RERG: variants seen among roughly 807,000 people sequenced by gnomAD.
The protein encoded by RERG is RAS like estrogen regulated growth inhibitor.
A neutral mutation model predicts 23.2 loss-of-function variants in RERG; 25 were observed. The observed-to-expected ratio is 1.08, with a 90% CI of 0.79 to 1.50. The LOEUF is 1.50. Among genes scored for constraint, RERG ranks in the 40% most tolerant of loss-of-function variants. RERG has a pLI of 0.00. For synonymous variants in RERG, 81 were observed against 89.1 expected (o/e 0.91, Z 0.51); for missense variants, 253 against 250.1 (o/e 1.01, Z -0.08).
At chr12:15,126,598 C>T (rs912587994) in intron 2 of RERG, among the ~76,000 whole-genome samples, 2 of 151,964 alleles carry the variant, frequency 1.3e-5, no homozygotes, top group Non-Finnish European at 2.9e-5. Context: ...CCCAAATAAA[C>T]TAATAGCTTG....
chr12:15,120,816 C>CA (rs1863817923), intron 3 of RERG, among the ~76,000 whole-genome samples: 2 of 152,006 alleles, frequency 1.3e-5, no homozygotes, highest in Non-Finnish European at 2.9e-5. Flanking sequence ...TGTGTTGTAC[C>CA]CACTTCCTTT....
At chr12:15,126,128 C>CAT (rs67901734) in intron 2 of RERG, among the ~76,000 whole-genome samples, 2,488 of 89,050 alleles carry the variant, frequency 0.028, 87 homozygotes, top group Middle Eastern at 0.068. Context: ...TTGTATATAC[C>CAT]ATATATATAT....
At chr12:15,130,969 A>G (rs984172668) in intron 2 of RERG, among the ~76,000 whole-genome samples, 4 of 152,028 alleles carry the variant, frequency 2.6e-5, no homozygotes, top group Non-Finnish European at 4.4e-5. Flanking sequence ...TGATCCTGGT[A>G]ATTTGGTTTT....
At chr12:15,156,467 G>C (rs148685018) in intron 2 of RERG, among the ~76,000 whole-genome samples, 5 of 152,214 alleles carry the variant, frequency 3.3e-5, no homozygotes, top group African/African-American at 1.2e-4. Context: ...TCATGCAATT[G>C]TATGATAATT....
chr12:15,109,247 T>C lies in RERG; in HGVS notation c.463A>G (p.Asn155Asp). The C allele has an allele frequency of 1.2e-6, 2 of 1,614,154 alleles. No homozygotes were observed. Among genetic ancestry groups the C allele is most frequent in the Non-Finnish European group, 1.7e-6 (2 of 1,180,010 alleles). The stretch of plus-strand genomic sequence containing the variant: ...AATTCATAGAATATCTCTGTGATGT[T>C]CCCTTCTCCAGTGCAGGCAGAGCAC... The part of the protein sequence containing the change: ...YECSACTGEG[N>D]ITEIFYELCR... The change falls in exon 5 of 5, where the codon AAC becomes GAC. Residue 155 changes from asparagine to aspartate, a missense_variant. Asn to Asp is a conservative substitution (Grantham distance 23). Transcript: ENST00000256953.
At chr12:15,212,042 CTTTTT>C (rs772353150) in intron 2 of RERG, among the ~76,000 whole-genome samples, 28 of 64,712 alleles carry the variant, frequency 4.3e-4, no homozygotes, top group Non-Finnish European at 7.3e-4. Flanking sequence ...CACGAATAAA[CTTTTT>C]TTTTTTTTTT....
intron 4 of RERG, among the ~76,000 whole-genome samples, chr12:15,110,477 T>TTC (rs1555118695): frequency 8.0e-6 from 1 of 125,758 alleles, no homozygotes; most frequent in Admixed American, 8.0e-5. Flanking sequence ...TTTTTTTTTT[T>TTC]TTTTTTTTTT....
At chr12:15,187,804 C>T (rs1865014125) in intron 2 of RERG, among the ~76,000 whole-genome samples, 1 of 152,038 alleles carries the variant, frequency 6.6e-6, no homozygotes. Flanking sequence ...AGTGATCCAC[C>T]CGCCTCGGCC....
At chr12:15,129,448 A>C (rs185899270) in intron 2 of RERG, among the ~76,000 whole-genome samples, 8 of 152,296 alleles carry the variant, frequency 5.3e-5, no homozygotes, top group South Asian at 2.1e-4. Context: ...TATCAAATCT[A>C]TCTCTCTTTC....
intron 2 of RERG, among the ~76,000 whole-genome samples, chr12:15,215,692 A>G (rs1865431150): frequency 2.0e-5 from 3 of 152,184 alleles, no homozygotes; most frequent in Non-Finnish European, 2.9e-5. Context: ...AAGAAAAGAA[A>G]AAGATGAAGC....
intron 2 of RERG, among the ~76,000 whole-genome samples, chr12:15,158,653 GT>G (rs1057233094): frequency 1.3e-5 from 2 of 152,218 alleles, no homozygotes; most frequent in South Asian, 4.2e-4. Flanking sequence ...AGAGTACACA[GT>G]TTTTCAAGAG....
At chr12:15,162,706 A>G (rs1380606566) in intron 2 of RERG, among the ~76,000 whole-genome samples, 1 of 152,194 alleles carries the variant, frequency 6.6e-6, no homozygotes, top group East Asian at 1.9e-4. Flanking sequence ...TAAAAACACA[A>G]CCAAATAAAT....
At chr12:15,190,179 G>A (rs988405989) in intron 2 of RERG, among the ~76,000 whole-genome samples, 13 of 152,152 alleles carry the variant, frequency 8.5e-5, no homozygotes, top group Non-Finnish European at 1.6e-4. Flanking sequence ...AGCATGGGAA[G>A]CCAGTTTGGG....
chr12:15,109,364 C>G lies in RERG; in HGVS notation c.346G>C (p.Val116Leu). 1 of 1,614,056 alleles carries G rather than the reference C, an allele frequency of 6.2e-7. No individual in the cohort carries two copies. Residue 116 changes from valine (V) to leucine (L), a missense_variant, in exon 5 of 5, where the codon GTT becomes CTT. By Grantham distance (32) the Val-to-Leu change is conservative. Transcript: ENST00000256953. The part of the protein sequence containing the change: ...KKPKNVTLIL[V>L]GNKADLDHSR... Reference sequence around the variant, plus strand: ...TGGTCCAAGTCAGCTTTGTTTCCAACCAAGATGAGAGTCACATTCTTGGGC... The same window carrying G: ...TGGTCCAAGTCAGCTTTGTTTCCAAGCAAGATGAGAGTCACATTCTTGGGC...
At chr12:15,134,907 A>G (rs931578348) in intron 2 of RERG, among the ~76,000 whole-genome samples, 3 of 152,168 alleles carry the variant, frequency 2.0e-5, no homozygotes, top group Non-Finnish European at 4.4e-5. Context: ...CACCATGCCC[A>G]GCCTCCATAT....
chr12:15,149,271 C>A (rs981313735), intron 2 of RERG, among the ~76,000 whole-genome samples: 10 of 152,018 alleles, frequency 6.6e-5, no homozygotes, highest in Non-Finnish European at 1.2e-4. Context: ...AAGACTTTTT[C>A]ATCTATTTTT....
chr12:15,139,794 G>A (rs117121967), intron 2 of RERG, among the ~76,000 whole-genome samples: 1,565 of 152,058 alleles, frequency 0.01, 19 homozygotes, highest in Non-Finnish European at 0.017. Context: ...CCCAATCTGC[G>A]TATCTTTATT....
chr12:15,149,839 G>A (rs1864407837), intron 2 of RERG, among the ~76,000 whole-genome samples: 1 of 152,022 alleles, frequency 6.6e-6, no homozygotes, highest in Admixed American at 6.5e-5. Flanking sequence ...CATAAATGGT[G>A]TCTAGGACCA....
intron 2 of RERG, among the ~76,000 whole-genome samples, chr12:15,146,650 C>A (rs1864337563): frequency 2.0e-5 from 3 of 152,130 alleles, no homozygotes; most frequent in Admixed American, 6.5e-5. Flanking sequence ...ATTTACTGTA[C>A]TATAGTGTAA....
Sources: allele counts gnomAD v4.1 joint callset (sites outside exome capture counted in the v4.1 genomes callset), GRCh38; gene constraint gnomAD v4.1.1; transcripts MANE v1.5; gene names NCBI Gene and HGNC (gene_info 2026-07-23, HGNC 2026-07-21).